The following TICRR variants were observed in gnomAD, a reference collection of about 807,000 sequenced individuals.
TICRR encodes TOPBP1 interacting checkpoint and replication regulator, also known as treslin.
TICRR carries 132 observed loss-of-function variants against 178.1 expected under a neutral mutation model. The ratio of observed to expected loss-of-function variants is 0.74; its 90% CI spans 0.64 to 0.86. TICRR has a LOEUF of 0.86. Among genes scored for constraint, TICRR ranks in the 40% least tolerant of loss-of-function variants. The probability of loss-of-function intolerance (pLI) is 0.00; values close to 1 mark genes in which losing one functional copy is unlikely to be tolerated. For synonymous variants in TICRR, 991 were observed against 900.7 expected, an observed-to-expected ratio of 1.10 and a Z score of -1.79; for missense variants, 2,587 against 2,334.3, an observed-to-expected ratio of 1.11 and a Z score of -2.23.
chr15:89,592,085 C>A lies in TICRR; in HGVS notation c.1450C>A (p.His484Asn). The A allele has an allele frequency of 6.2e-7, 1 of 1,612,472 alleles. No individual in the cohort carries two copies. The highest frequency in any genetic ancestry group is 2.2e-5 in the East Asian group (1 of 44,888). ...AGAGTGGGCCCAGCAGGAGCTTGGC[C>A]ACACCACTCCCTGGAGTCCAGCTGT... ...VPEWAQQELG[H>N]TTPWSPAVVE... The change falls in exon 5 of 22, where the codon CAC (histidine) becomes AAC (asparagine). Residue 484 changes from histidine (H) to asparagine (N), a missense_variant. Transcript: ENST00000268138.
intron 13 of TICRR, among the ~76,000 whole-genome samples, chr15:89,603,843 CAATAT>C (rs1004726992): frequency 3.3e-5 from 5 of 152,158 alleles, no homozygotes; most frequent in South Asian, 2.1e-4. Flanking sequence ...ACAATTATAG[CAATAT>C]AATATAATAA....
Position 89,585,838 on chromosome 15 carries a change from C to G in TICRR, c.1307C>G (p.Thr436Arg). 6.2e-7 allele frequency: 1 copy of G among 1,614,158 alleles called. No homozygotes were observed. Among genetic ancestry groups the G allele is most frequent in the Non-Finnish European group, 8.5e-7 (1 of 1,180,032 alleles). The change falls in exon 4 of 22, where the codon ACA (threonine) becomes AGA (arginine). Residue 436 changes from threonine (T) to arginine (R), a missense_variant. Thr to Arg is a moderately conservative substitution (Grantham distance 71, BLOSUM62 -1). Coordinates refer to ENST00000268138, the MANE Select transcript of TICRR (RefSeq NM_152259.4). ...GAATTTCAACGACATGTTCTCCAAA[C>G]AGCTGTGGCTGACAGCCCCCGGGAC... ...EAEFQRHVLQ[T>R]AVADSPRDTA...
intron 1 of TICRR, among the ~76,000 whole-genome samples, chr15:89,576,860 T>TATATATATAC (rs1555419112): frequency 3.1e-5 from 4 of 128,610 alleles, no homozygotes; most frequent in African/African-American, 9.3e-5. Flanking sequence ...TATATATATA[T>TATATATATAC]ACACACACAC....
intron 20 of TICRR, 48 bp downstream of exon 20, chr15:89,625,834 G>C: frequency 6.4e-7 from 1 of 1,560,472 alleles, no homozygotes; most frequent in Non-Finnish European, 8.7e-7. Context: ...CTTTTGGTCA[G>C]AGTGCTTGAC....
intron 17 of TICRR, 142 bp from the exon 18 acceptor site, chr15:89,619,566 C>T (rs1303914657): frequency 1.2e-6 from 1 of 821,322 alleles, no homozygotes; most frequent in Non-Finnish European, 1.9e-6. Flanking sequence ...AGAGACACTT[C>T]AGAAGTCTCT....
rs765805643 is a variant in TICRR at position 89,585,752 on chromosome 15, A to G, written c.1221A>G (p.Gly407=). 7.1e-5 allele frequency: 114 copies of G among 1,613,924 alleles called. No individual in the cohort carries two copies. The highest frequency in any genetic ancestry group is 8.6e-5 in the Non-Finnish European group (102 of 1,180,006). The change falls in exon 4 of 22, where the codon GGA becomes GGG. Residue 407 remains glycine (G), a synonymous_variant. Coordinates refer to ENST00000268138, the MANE Select transcript of TICRR (RefSeq NM_152259.4). The part of the protein sequence containing the change: ...DPGEGRPPIT[G]VISPLSASAM... ...GTGAAGGCCGGCCCCCCATCACTGG[A>G]GTTATTTCCCCACTCTCTGCCAGTG... is the stretch of plus-strand genomic sequence containing the variant.
rs947716639 is a variant in TICRR at position 89,627,654 on chromosome 15, C to G, written c.*568C>G. ...GCCTGAGGTTAACTGTGACCATGGT[C>G]CAGCTTGAGTGGCTTCTGGAGCAGC... On this transcript the variant is annotated 3_prime_UTR_variant, in exon 22 of 22. Coordinates refer to ENST00000268138, the MANE Select transcript of TICRR (RefSeq NM_152259.4). The G allele has an allele frequency of 1.1e-4, 17 of 153,686 alleles. No individual in the cohort carries two copies. Among genetic ancestry groups the G allele is most frequent in the African/African-American group, 4.1e-4 (17 of 41,462 alleles). The allele number at this position is 153,686 out of a possible 1,614,324, so 9.5% of individuals were successfully genotyped here. A position where few individuals can be genotyped will look rare whatever the true frequency, so the allele number is the denominator to read the frequency against.
At chr15:89,594,071 G>C (rs371211780) in intron 5 of TICRR, among the ~76,000 whole-genome samples, 2 of 152,114 alleles carry the variant, frequency 1.3e-5, no homozygotes, top group African/African-American at 4.8e-5. Flanking sequence ...TTTGTACTTT[G>C]ATATATGGAA....
rs369289003 is a variant in TICRR at position 89,624,311 on chromosome 15, C to A, written c.4001C>A (p.Ser1334Tyr). The A allele has an allele frequency of 8.1e-6, 13 of 1,614,184 alleles. No homozygotes were observed. The highest frequency in any genetic ancestry group is 1.6e-4 in the Middle Eastern group (1 of 6,062). ...AGGAAATCTAAAATAGAGTGTCCTT[C>A]CCCAGGAGAACTGGATCAGAAAGAG... ...PFRKSKIECP[S>Y]PGELDQKEPQ... Residue 1334 changes from serine to tyrosine, a missense_variant, in exon 20 of 22, where the codon TCC (serine) becomes TAC (tyrosine). Coordinates refer to ENST00000268138, the MANE Select transcript of TICRR (RefSeq NM_152259.4).
rs780189253 is a variant in TICRR, at chr15:89,601,928, A to T, written c.2519A>T (p.Glu840Val). The T allele has an allele frequency of 4.3e-6, 7 of 1,614,050 alleles. No individual in the cohort carries two copies. The highest frequency in any genetic ancestry group is 5.9e-6 in the Non-Finnish European group (7 of 1,180,016). The stretch of plus-strand genomic sequence containing the variant: ...CGTAGATCAGTGTCAGGCAGCCCTG[A>T]ATCTGATGAACTGCAGGAACTTCGT... Reference protein sequence around the residue: ...SARRSVSGSPESDELQELRTR... With the variant: ...SARRSVSGSPVSDELQELRTR... The change falls in exon 12 of 22, where the codon GAA becomes GTA. Residue 840 changes from glutamate (E) to valine (V), a missense_variant. By Grantham distance (121) the Glu-to-Val change is moderately radical (BLOSUM62 -2). Transcript: ENST00000268138.
Position 89,625,500 on chromosome 15 carries a change from C to T in TICRR, c.5190C>T (p.His1730=). ...ACCACGGCCTTGAACTCAGCATCCA[C>T]AGGACGCCCATCTTGGAGGATTTTG... is the stretch of plus-strand genomic sequence containing the variant. ...GKDHGLELSI[H]RTPILEDFEL... The change falls in exon 20 of 22, where the codon CAC becomes CAT. Residue 1730 remains histidine, a synonymous_variant. Transcript: ENST00000268138. 4 of 1,613,984 alleles carry T rather than the reference C, an allele frequency of 2.5e-6. No homozygotes were observed. The highest frequency in any genetic ancestry group is 1.3e-5 in the African/African-American group (1 of 75,032).
intron 9 of TICRR, among the ~76,000 whole-genome samples, chr15:89,601,047 G>GA (rs1351075815): frequency 5.0e-4 from 6 of 11,986 alleles, no homozygotes; most frequent in African/African-American, 1.2e-3. Context: ...CCCTGTCTCA[G>GA]GAAAAAAAAA....
chr15:89,627,282 G>A lies in TICRR; in HGVS notation c.*196G>A. 1 of 653,750 alleles carries A rather than the reference G, an allele frequency of 1.5e-6. No individual in the cohort carries two copies. Among genetic ancestry groups the A allele is most frequent in the Non-Finnish European group, 2.5e-6 (1 of 396,766 alleles). 40.5% of individuals were successfully genotyped at this position (653,750 alleles called of 1,614,324 possible). The stretch of plus-strand genomic sequence containing the variant: ...CCTGCCCCTTGTTGGGGAAGTTGCA[G>A]GAGGAGAGGTGGATGGCAATGTGAT... On this transcript the variant is annotated 3_prime_UTR_variant, in exon 22 of 22. Coordinates refer to ENST00000268138, the MANE Select transcript of TICRR (RefSeq NM_152259.4).
In TICRR at chr15:89,595,552, G is replaced by A; in HGVS notation, c.1841G>A (p.Gly614Glu). The change falls in exon 7 of 22, where the codon GGG (glycine) becomes GAG (glutamate). Residue 614 changes from glycine to glutamate, a missense_variant. Coordinates refer to ENST00000268138, the MANE Select transcript of TICRR (RefSeq NM_152259.4). ...GEKGIQKIPSGRTVDKLEDRG... is the reference protein window; with the variant it reads ...GEKGIQKIPSERTVDKLEDRG... The stretch of plus-strand genomic sequence containing the variant: ...AAAGGAATCCAAAAGATACCTAGTG[G>A]GAGAACAGTGGATAAATTGGAAGAC... 6.2e-7 allele frequency: 1 copy of A among 1,614,134 alleles called. No homozygotes were observed. Among genetic ancestry groups the A allele is most frequent in the Non-Finnish European group, 8.5e-7 (1 of 1,180,026 alleles).
chr15:89,609,014 C>A, intron 15 of TICRR, 65 bp downstream of exon 15: 1 of 1,424,286 alleles, frequency 7.0e-7, no homozygotes, highest in South Asian at 1.4e-5. Flanking sequence ...TAGTAATGTA[C>A]CGTCTTTCTT....
intron 7 of TICRR, among the ~76,000 whole-genome samples, chr15:89,599,104 C>T (rs957452990): frequency 1.3e-5 from 2 of 151,894 alleles, no homozygotes; most frequent in Non-Finnish European, 2.9e-5. Context: ...CGTTGTAGGG[C>T]TGTCCTATGT....
chr15:89,609,098 A>ATT, intron 15 of TICRR, 149 bp downstream of exon 15: 3 of 167,364 alleles, frequency 1.8e-5, no homozygotes, highest in South Asian at 1.4e-4. Flanking sequence ...AATTTTGTTA[A>ATT]TCTTTTTTTT....
At chr15:89,611,599 C>A (rs2141972724) in intron 15 of TICRR, among the ~76,000 whole-genome samples, 1 of 152,266 alleles carries the variant, frequency 6.6e-6, no homozygotes, top group East Asian at 1.9e-4. Context: ...CCTCCTTAGA[C>A]TCCCATGATA....
rs8041127 is a variant in TICRR at position 89,591,965 on chromosome 15, A to C, written c.1412-82A>C. 457 of 1,358,198 alleles carry C rather than the reference A, an allele frequency of 3.4e-4. 3 individuals carry two copies. The highest frequency in any genetic ancestry group is 1.0e-4 in the Non-Finnish European group (100 of 984,092). The allele number at this position is 1,358,198 out of a possible 1,614,324, so 84.1% of individuals were successfully genotyped here. On this transcript the variant is annotated intron_variant, in intron 4 of 21. Transcript: ENST00000268138. ...TCCTTTGGAGGGATGCAGTCAGTCC[A>C]GGGGAGGAGCAAGTGCTTAGAATTC...
Sources: allele counts gnomAD v4.1 joint callset (sites outside exome capture counted in the v4.1 genomes callset), GRCh38; gene constraint gnomAD v4.1.1; transcripts MANE v1.5; gene names NCBI Gene and HGNC (gene_info 2026-07-23, HGNC 2026-07-21).